The following DRGX variants were observed in gnomAD, a reference collection of about 807,000 sequenced individuals.
The protein encoded by DRGX is dorsal root ganglia homeobox protein.
In DRGX, 21 loss-of-function variants were observed where a neutral mutation model predicts 28.6. The ratio of observed to expected loss-of-function variants is 0.73; its 90% CI spans 0.52 to 1.06. The LOEUF (loss-of-function observed/expected upper bound fraction) is 1.06, where lower values mean the gene tolerates loss of function less well. Among genes scored for constraint, DRGX ranks in the 50% least tolerant of loss-of-function variants. The pLI is 0.00. For synonymous variants in DRGX, 136 were observed against 139.1 expected (o/e 0.98, Z 0.16); for missense variants, 354 against 343.9 (o/e 1.03, Z -0.23).
chr10:49,384,328 G>T (rs758811326), intron 6 of DRGX, among the ~76,000 whole-genome samples: 18 of 152,154 alleles, frequency 1.2e-4, no homozygotes, highest in Non-Finnish European at 2.6e-4. Flanking sequence ...TCAAGGGCCC[G>T]CCATGCCCCT....
Position 49,391,208 on chromosome 10 carries a change from G to T in DRGX, c.88C>A (p.Arg30Ser), listed in dbSNP as rs756967872. The T allele has an allele frequency of 3.7e-6, 6 of 1,612,454 alleles. No individual in the cohort carries two copies. Among genetic ancestry groups the T allele is most frequent in the Non-Finnish European group, 5.1e-6 (6 of 1,179,378 alleles). ...SSGDFDDGFL[R>S]RKQRRNRTTF... ...GTCCGGTTCCGGCGCTGTTTTCTAC[G>T]CAGAAACCCGTCATCAAAATCCCCC... The change falls in exon 3 of 7, where the codon CGT (arginine) becomes AGT (serine). Residue 30 changes from arginine to serine, a missense_variant. By Grantham distance (110) the Arg-to-Ser change is moderately radical. Coordinates refer to ENST00000374139, the MANE Select transcript of DRGX (RefSeq NM_001276451.2).
intron 6 of DRGX, among the ~76,000 whole-genome samples, chr10:49,374,299 C>T (rs534004051): frequency 1.0e-3 from 154 of 152,318 alleles, no homozygotes; most frequent in African/African-American, 3.6e-3. Flanking sequence ...TCCGCCTGCA[C>T]TCAGGGTATT....
At chr10:49,390,273 G>C (rs1032893855) in intron 3 of DRGX, 39 bp from the exon 4 acceptor site, 2 of 1,540,750 alleles carry the variant, frequency 1.3e-6, no homozygotes, top group African/African-American at 2.7e-5. Context: ...GAGAGGCTGT[G>C]GCTAGGTGAG....
At chr10:49,379,262 A>C (rs1279662905) in intron 6 of DRGX, among the ~76,000 whole-genome samples, 1 of 152,204 alleles carries the variant, frequency 6.6e-6, no homozygotes, top group Non-Finnish European at 1.5e-5. Context: ...GCTGGGAAGA[A>C]AAGTGACGTG....
chr10:49,368,880 C>T (rs924380227), intron 6 of DRGX, among the ~76,000 whole-genome samples: 1 of 152,206 alleles, frequency 6.6e-6, no homozygotes, highest in Admixed American at 6.5e-5. Context: ...ACAGGCACAC[C>T]TGAGAGCAGA....
chr10:49,391,522 A>T (rs1849905027), intron 2 of DRGX, among the ~76,000 whole-genome samples: 3 of 152,194 alleles, frequency 2.0e-5, no homozygotes, highest in Admixed American at 2.0e-4. Context: ...AATTCTTGTG[A>T]AATTCTAGAC....
intron 4 of DRGX, among the ~76,000 whole-genome samples, chr10:49,388,336 C>T (rs1849862469): frequency 6.6e-6 from 1 of 152,234 alleles, no homozygotes; most frequent in Admixed American, 6.5e-5. Flanking sequence ...TTCAATTCCC[C>T]AGGGCATCCT....
intron 6 of DRGX, among the ~76,000 whole-genome samples, chr10:49,373,905 C>T (rs1247842351): frequency 6.6e-6 from 1 of 151,962 alleles, no homozygotes; most frequent in Admixed American, 6.6e-5. Context: ...TATAAATTTA[C>T]TTAGAAATAG....
At chr10:49,378,519 A>AAATTACTG (rs1188683739) in intron 6 of DRGX, among the ~76,000 whole-genome samples, 1 of 152,240 alleles carries the variant, frequency 6.6e-6, no homozygotes, top group African/African-American at 2.4e-5. Context: ...GAATACACTA[A>AAATTACTG]AATTACTGAA....
At chr10:49,386,190 C>A (rs571603116) in intron 6 of DRGX, among the ~76,000 whole-genome samples, 1 of 152,110 alleles carries the variant, frequency 6.6e-6, no homozygotes, top group Non-Finnish European at 1.5e-5. Context: ...TACCAGGGAG[C>A]AGGAGAAAGC....
At chr10:49,393,349 GAATT>G (rs1338513768) in intron 2 of DRGX, among the ~76,000 whole-genome samples, 8 of 152,150 alleles carry the variant, frequency 5.3e-5, no homozygotes, top group African/African-American at 1.9e-4. Context: ...ACATAAATGA[GAATT>G]AAATCATGTT....
intron 6 of DRGX, among the ~76,000 whole-genome samples, chr10:49,369,106 G>A (rs561822270): frequency 3.3e-5 from 5 of 152,328 alleles, no homozygotes; most frequent in East Asian, 3.9e-4. Flanking sequence ...TGTGCCAGAC[G>A]TAGAAGTGAC....
chr10:49,395,630 C>T (rs1849959967), intron 1 of DRGX, 109 bp from the exon 2 acceptor site: 1 of 668,976 alleles, frequency 1.5e-6, no homozygotes, highest in Non-Finnish European at 2.6e-6. Context: ...CCAACGCCCT[C>T]ATCTCACTGC....
At chr10:49,372,199 T>C (rs1324485622) in intron 6 of DRGX, among the ~76,000 whole-genome samples, 1 of 152,164 alleles carries the variant, frequency 6.6e-6, no homozygotes, top group African/African-American at 2.4e-5. Flanking sequence ...GAGTTGGCCG[T>C]GAGAGGAGCT....
At chr10:49,368,722 C>CA (rs1394512610) in intron 6 of DRGX, among the ~76,000 whole-genome samples, 2 of 152,228 alleles carry the variant, frequency 1.3e-5, no homozygotes, top group African/African-American at 4.8e-5. Context: ...GGTGGTCCCC[C>CA]TTGGAGAGGG....
At chr10:49,386,967 A>C in intron 4 of DRGX, 109 bp from the exon 5 acceptor site, 2 of 1,299,034 alleles carry the variant, frequency 1.5e-6, no homozygotes, top group Non-Finnish European at 2.1e-6. Context: ...CCTCCTCTCC[A>C]CACCATGCCC....
intron 6 of DRGX, among the ~76,000 whole-genome samples, chr10:49,381,691 T>C (rs1849778324): frequency 6.6e-6 from 1 of 152,180 alleles, no homozygotes; most frequent in Non-Finnish European, 1.5e-5. Flanking sequence ...CCCTGGGGCA[T>C]TGGGAACCCT....
At chr10:49,379,194 A>T (rs964721378) in intron 6 of DRGX, among the ~76,000 whole-genome samples, 6 of 152,218 alleles carry the variant, frequency 3.9e-5, no homozygotes, top group Non-Finnish European at 4.4e-5. Context: ...GTGTTTCAGA[A>T]TGCCTACTTC....
chr10:49,374,246 GTGTCT>G (rs1250670406), intron 6 of DRGX, among the ~76,000 whole-genome samples: 3 of 152,158 alleles, frequency 2.0e-5, no homozygotes, highest in African/African-American at 7.2e-5. Flanking sequence ...GATAAAGACC[GTGTCT>G]TCATCACCCA....
Sources: allele counts gnomAD v4.1 joint callset (sites outside exome capture counted in the v4.1 genomes callset), GRCh38; gene constraint gnomAD v4.1.1; transcripts MANE v1.5; gene names NCBI Gene and HGNC (gene_info 2026-07-23, HGNC 2026-07-21).